Variants in ADAMTS6 observed in about 807,000 individuals in gnomAD.
ADAMTS6 encodes the protein ADAM metallopeptidase with thrombospondin type 1 motif 6, also known as A disintegrin and metalloproteinase with thrombospondin motifs 6.
A neutral mutation model predicts 144.3 loss-of-function variants in ADAMTS6; 23 were observed. The observed-to-expected ratio is 0.16, with a 90% confidence interval of 0.11 to 0.23. ADAMTS6 has a LOEUF of 0.23. Ranked by LOEUF, ADAMTS6 falls within the 10% of genes least tolerant of loss-of-function variation. The pLI, the probability that ADAMTS6 is intolerant of heterozygous loss-of-function variation, is 1.00. For missense variants in ADAMTS6, 999 were observed against 1,379.6 expected (o/e 0.72, Z 4.37); for synonymous variants, 444 against 457.5 (o/e 0.97, Z 0.38).
intron 22 of ADAMTS6, among the ~76,000 whole-genome samples, chr5:65,185,847 A>T (rs1378199199): frequency 6.6e-6 from 1 of 152,222 alleles, no homozygotes; most frequent in Non-Finnish European, 1.5e-5. Context: ...TCTCAAGGTG[A>T]CTATATGTGG....
intron 7 of ADAMTS6, among the ~76,000 whole-genome samples, chr5:65,446,122 T>C (rs1157151033): frequency 6.6e-6 from 1 of 152,218 alleles, no homozygotes; most frequent in African/African-American, 2.4e-5. Context: ...AAGAGGTAAC[T>C]GGCATTTCTT....
At chr5:65,373,570 T>A (rs996533780) in intron 7 of ADAMTS6, among the ~76,000 whole-genome samples, 1 of 151,954 alleles carries the variant, frequency 6.6e-6, no homozygotes, top group African/African-American at 2.4e-5. Flanking sequence ...AGAAGTTGAA[T>A]CTCTGAATAG....
chr5:65,383,936 T>C (rs981717365), intron 7 of ADAMTS6, among the ~76,000 whole-genome samples: 6 of 152,134 alleles, frequency 3.9e-5, no homozygotes, highest in African/African-American at 1.4e-4. Flanking sequence ...ACCAGCGTGA[T>C]CTACCACCCA....
intron 13 of ADAMTS6, among the ~76,000 whole-genome samples, chr5:65,261,613 G>A (rs1761204790): frequency 6.6e-6 from 1 of 152,144 alleles, no homozygotes. Flanking sequence ...TATTTTGAAT[G>A]CCAGTGAATG....
At chr5:65,442,633 TA>T (rs942019307) in intron 7 of ADAMTS6, among the ~76,000 whole-genome samples, 15 of 149,162 alleles carry the variant, frequency 1.0e-4, no homozygotes, top group East Asian at 1.9e-4. Context: ...AATATAAATC[TA>T]AAAAAAAAAT....
At chr5:65,292,690 C>T (rs1052544677) in intron 10 of ADAMTS6, among the ~76,000 whole-genome samples, 1 of 152,112 alleles carries the variant, frequency 6.6e-6, no homozygotes, top group African/African-American at 2.4e-5. Flanking sequence ...AGACAGACTA[C>T]TGTCTTCTTT....
chr5:65,270,919 A>AT (rs1255129627), intron 12 of ADAMTS6, among the ~76,000 whole-genome samples: 2 of 152,042 alleles, frequency 1.3e-5, no homozygotes, highest in African/African-American at 4.8e-5. Flanking sequence ...GAGCATTTCC[A>AT]TTTTTTTCAA....
intron 14 of ADAMTS6, among the ~76,000 whole-genome samples, chr5:65,249,635 T>C (rs1223770345): frequency 6.6e-6 from 1 of 152,200 alleles, no homozygotes; most frequent in Non-Finnish European, 1.5e-5. Context: ...AGTTGTATTC[T>C]TTCTTCTGAG....
intron 11 of ADAMTS6, among the ~76,000 whole-genome samples, chr5:65,286,781 G>T (rs1362790850): frequency 6.6e-6 from 1 of 152,210 alleles, no homozygotes; most frequent in African/African-American, 2.4e-5. Context: ...TTTTTGGGAA[G>T]CAGTCAAAAG....
chr5:65,255,745 G>GATTAAAAAAAAAATCTTACTGAGCA (rs1253442802), intron 14 of ADAMTS6, among the ~76,000 whole-genome samples: 7 of 150,300 alleles, frequency 4.7e-5, no homozygotes, highest in African/African-American at 1.7e-4. Flanking sequence ...ATTTTTAAAT[G>GATTAAAAAAAAAATCTTACTGAGCA]ATTAAAAAAA....
chr5:65,434,169 T>A (rs891383257), intron 7 of ADAMTS6, among the ~76,000 whole-genome samples: 1 of 152,226 alleles, frequency 6.6e-6, no homozygotes, highest in Non-Finnish European at 1.5e-5. Context: ...ATTTTATGAT[T>A]CCATTTATAT....
intron 10 of ADAMTS6, among the ~76,000 whole-genome samples, chr5:65,295,575 T>C (rs922483713): frequency 6.6e-6 from 1 of 152,100 alleles, no homozygotes; most frequent in African/African-American, 2.4e-5. Flanking sequence ...CAATTTATTA[T>C]TAAACATATA....
chr5:65,443,651 T>C (rs573397574), intron 7 of ADAMTS6, among the ~76,000 whole-genome samples: 6 of 128,778 alleles, frequency 4.7e-5, no homozygotes, highest in African/African-American at 1.9e-4. Flanking sequence ...AAAAAAAAAG[T>C]TGGTATTCTA....
chr5:65,248,319 A>G (rs1055412315), intron 14 of ADAMTS6, among the ~76,000 whole-genome samples: 1 of 152,164 alleles, frequency 6.6e-6, no homozygotes, highest in African/African-American at 2.4e-5. Context: ...TTACTTTTAA[A>G]GCAAAAGAAA....
At chr5:65,166,533 T>TA (rs1278194323) in intron 24 of ADAMTS6, among the ~76,000 whole-genome samples, 3 of 15,164 alleles carry the variant, frequency 2.0e-4, no homozygotes, top group Non-Finnish European at 3.9e-4. Context: ...CAAGCGGACC[T>TA]AATAGACATC....
At chr5:65,328,761 G>A (rs992646647) in intron 9 of ADAMTS6, among the ~76,000 whole-genome samples, 1 of 137,340 alleles carries the variant, frequency 7.3e-6, no homozygotes, top group African/African-American at 3.4e-5. Context: ...TTTTAAAAAT[G>A]GTATTTTTTG....
intron 7 of ADAMTS6, among the ~76,000 whole-genome samples, chr5:65,402,700 C>G (rs1256016941): frequency 2.0e-5 from 3 of 152,162 alleles, no homozygotes; most frequent in African/African-American, 4.8e-5. Context: ...ACACCCCCCC[C>G]CATATTTGGC....
At chr5:65,259,183 C>A (rs1760946945) in intron 14 of ADAMTS6, among the ~76,000 whole-genome samples, 1 of 145,538 alleles carries the variant, frequency 6.9e-6, no homozygotes, top group African/African-American at 2.6e-5. Flanking sequence ...GTGGTGAAAC[C>A]CCAGTCTCTA....
chr5:65,290,581 C>A (rs1742202316), intron 11 of ADAMTS6, among the ~76,000 whole-genome samples: 1 of 151,880 alleles, frequency 6.6e-6, no homozygotes, highest in South Asian at 2.1e-4. Context: ...AAAATCAAGG[C>A]TCTCAACTTA....
Sources: gnomAD v4.1 joint callset for allele counts (sites outside exome capture counted in the v4.1 genomes callset) on GRCh38, gnomAD v4.1.1 for gene constraint, MANE v1.5 for transcripts, NCBI Gene and HGNC (gene_info 2026-07-23, HGNC 2026-07-21) for gene names.